BMAL1: variants seen among roughly 807,000 people sequenced by gnomAD.
BMAL1 encodes the protein basic helix-loop-helix ARNT like 1.
chr11:13,348,923 AT>A, the BMAL1 span, among the ~76,000 whole-genome samples: 2 of 152,082 alleles, frequency 1.3e-5, no homozygotes, highest in Non-Finnish European at 2.9e-5. Context: ...AAATGCCAAA[AT>A]TTTTTTTCAG....
At chr11:13,370,832 C>T in the BMAL1 span, among the ~76,000 whole-genome samples, 1 of 152,154 alleles carries the variant, frequency 6.6e-6, no homozygotes, top group Non-Finnish European at 1.5e-5. Context: ...GACCATGCAG[C>T]CCCCGACCCT....
the BMAL1 span, among the ~76,000 whole-genome samples, chr11:13,284,266 A>ATT: frequency 1.5e-3 from 67 of 44,882 alleles, 7 homozygotes; most frequent in African/African-American, 4.8e-3. Context: ...ATATATATAT[A>ATT]TTTTTTTTTT....
the BMAL1 span, among the ~76,000 whole-genome samples, chr11:13,291,831 C>CAGAATACTCAG: frequency 8.9e-4 from 8 of 8,964 alleles, no homozygotes; most frequent in Non-Finnish European, 1.5e-3. Flanking sequence ...AGAATACTCA[C>CAGAATACTCAG]ATATCTTTTG....
the BMAL1 span, among the ~76,000 whole-genome samples, chr11:13,284,266 A>ATATATATATATAT: frequency 4.5e-5 from 2 of 44,882 alleles, no homozygotes; most frequent in Admixed American, 2.3e-4. Flanking sequence ...ATATATATAT[A>ATATATATATATAT]TTTTTTTTTT....
chr11:13,349,554 A>G, the BMAL1 span, among the ~76,000 whole-genome samples: 1 of 152,260 alleles, frequency 6.6e-6, no homozygotes, highest in Non-Finnish European at 1.5e-5. Flanking sequence ...CAATAAGGAT[A>G]GAGCCTGACA....
chr11:13,356,939 C>T, the BMAL1 span: 2 of 1,587,880 alleles, frequency 1.3e-6, no homozygotes, highest in East Asian at 2.3e-5. Flanking sequence ...ACCCCCAGTC[C>T]CCTTGTGTGT....
At chr11:13,386,986 G>A in the BMAL1 span, 1 of 418,082 alleles carries the variant, frequency 2.4e-6, no homozygotes, top group Non-Finnish European at 4.2e-6. Context: ...GCTAGCTGTG[G>A]ATAGCTTGCA....
At chr11:13,378,588 G>T in the BMAL1 span, 1 of 1,108,768 alleles carries the variant, frequency 9.0e-7, no homozygotes. Context: ...AACATCCTGT[G>T]GATAGAGACC....
At chr11:13,320,885 GT>G in the BMAL1 span, among the ~76,000 whole-genome samples, 2 of 152,216 alleles carry the variant, frequency 1.3e-5, no homozygotes. Flanking sequence ...AACCTTCTAG[GT>G]GGGTGGGGTG....
At chr11:13,347,268 C>A in the BMAL1 span, among the ~76,000 whole-genome samples, 1 of 152,034 alleles carries the variant, frequency 6.6e-6, no homozygotes, top group Non-Finnish European at 1.5e-5. Flanking sequence ...GTAGTCCCAG[C>A]TACTTGGGAG....
chr11:13,366,594 A>G, the BMAL1 span: 3 of 1,349,072 alleles, frequency 2.2e-6, no homozygotes, highest in African/African-American at 1.4e-5. Flanking sequence ...CAGACTGTGC[A>G]TGCTTACTTG....
At chr11:13,299,310 G>A in the BMAL1 span, among the ~76,000 whole-genome samples, 64 of 152,194 alleles carry the variant, frequency 4.2e-4, no homozygotes, top group African/African-American at 1.5e-3. Context: ...GTCATTCAAG[G>A]GAGGCAGTGT....
the BMAL1 span, chr11:13,375,645 G>C: frequency 6.3e-6 from 10 of 1,587,996 alleles, no homozygotes; most frequent in East Asian, 2.3e-4. Context: ...ACAACTAATT[G>C]CTATAAATTT....
chr11:13,309,567 A>G, the BMAL1 span, among the ~76,000 whole-genome samples: 5 of 152,296 alleles, frequency 3.3e-5, no homozygotes, highest in Admixed American at 1.3e-4. Flanking sequence ...GCATGTGTCA[A>G]TGAAGTGAGT....
the BMAL1 span, among the ~76,000 whole-genome samples, chr11:13,325,369 A>G: frequency 6.6e-6 from 1 of 152,092 alleles, no homozygotes; most frequent in African/African-American, 2.4e-5. Context: ...ACACTAAGTC[A>G]TTGGTTCTTT....
At chr11:13,339,994 G>A in the BMAL1 span, among the ~76,000 whole-genome samples, 1 of 152,170 alleles carries the variant, frequency 6.6e-6, no homozygotes, top group Non-Finnish European at 1.5e-5. Flanking sequence ...GTGATCGTGG[G>A]CCAGCATGCC....
chr11:13,326,090 C>G, the BMAL1 span, among the ~76,000 whole-genome samples: 2 of 151,872 alleles, frequency 1.3e-5, no homozygotes, highest in East Asian at 3.9e-4. Context: ...GTAGTCCCAG[C>G]TACTCGGGAG....
At chr11:13,277,439 G>A in the BMAL1 span, among the ~76,000 whole-genome samples, 1 of 152,214 alleles carries the variant, frequency 6.6e-6, no homozygotes, top group African/African-American at 2.4e-5. Context: ...GAGGAACCCA[G>A]GGAGCGCGCG....
the BMAL1 span, among the ~76,000 whole-genome samples, chr11:13,333,730 C>G: frequency 4.1e-4 from 62 of 152,346 alleles, no homozygotes; most frequent in African/African-American, 1.3e-3. Context: ...TTATGGACAT[C>G]TTTGGCTCTT....
Sources: allele counts gnomAD v4.1 joint callset (sites outside exome capture counted in the v4.1 genomes callset), GRCh38; gene constraint gnomAD v4.1.1; transcripts MANE v1.5; gene names NCBI Gene and HGNC (gene_info 2026-07-23, HGNC 2026-07-21).